Variants in SMO observed in about 807,000 individuals in gnomAD.
SMO encodes smoothened, frizzled class receptor, also known as protein smoothened.
A neutral mutation model predicts 81.6 loss-of-function variants in SMO; 40 were observed. The observed-to-expected ratio is 0.49, with a 90% CI of 0.38 to 0.64. The LOEUF is 0.64. Among genes scored for constraint, SMO ranks in the 30% least tolerant of loss-of-function variants. The pLI, the probability that SMO is intolerant of heterozygous loss-of-function variation, is 0.00. For synonymous variants in SMO, 434 were observed against 432.1 expected, an observed-to-expected ratio of 1.00 and a Z score of -0.05; for missense variants, 916 against 1,061.1, an observed-to-expected ratio of 0.86 and a Z score of 1.90.
intron 1 of SMO, among the ~76,000 whole-genome samples, chr7:129,197,481 G>A (rs1793603482): frequency 6.6e-6 from 1 of 152,064 alleles, no homozygotes; most frequent in African/African-American, 2.4e-5. Context: ...AGGCTGGAGT[G>A]CAGTGATGCG....
chr7:129,206,635 G>A lies in SMO; in HGVS notation c.1264+48G>A, dbSNP rs2150650977. ...CCAGTTGGGCAACAAAATATACTGG[G>A]CACTTGCTGCCAGTACTGGGAGCTG... On this transcript the variant is annotated intron_variant, in intron 6 of 11. Coordinates refer to ENST00000249373, the MANE Select transcript of SMO (RefSeq NM_005631.5). This position sits in a 1 kb window ranked among gnomAD's most constrained non-coding sequence, Gnocchi z 4.4. 6 of 1,598,158 alleles carry A rather than the reference G, an allele frequency of 3.8e-6. No individual in the cohort carries two copies. The highest frequency in any genetic ancestry group is 5.1e-6 in the Non-Finnish European group (6 of 1,170,008).
In SMO at chr7:129,212,944, C is replaced by A. The variant is rs1793903813; in HGVS notation, c.*493C>A. ...TCATTAGTCCTTTGTCTAAGTAGGG[C>A]CAGGGCACCGTATTCCTCTCCCAGG... is the stretch of plus-strand genomic sequence containing the variant. On this transcript the variant is annotated 3_prime_UTR_variant, in exon 12 of 12. Transcript: ENST00000249373. The surrounding 1 kb of genome is among the most constrained non-coding windows in gnomAD (Gnocchi z 5.0). 7.6e-6 allele frequency: 2 copies of A among 264,840 alleles called. No individual in the cohort carries two copies. Among genetic ancestry groups the A allele is most frequent in the Non-Finnish European group, 1.4e-5 (2 of 139,186 alleles). 16.4% of individuals were successfully genotyped at this position (264,840 alleles called of 1,614,324 possible). A position where few individuals can be genotyped will look rare whatever the true frequency, so the allele number is the denominator to read the frequency against.
intron 1 of SMO, among the ~76,000 whole-genome samples, chr7:129,201,838 G>T (rs1411602093): frequency 6.6e-6 from 1 of 151,608 alleles, no homozygotes; most frequent in Non-Finnish European, 1.5e-5. Flanking sequence ...GTACCACCAC[G>T]ACCGGCTAAT....
chr7:129,209,257 G>T (rs1437533056), intron 7 of SMO, 32 bp from the exon 8 acceptor site: 1 of 1,326,758 alleles, frequency 7.5e-7, no homozygotes, highest in Admixed American at 1.7e-5. Flanking sequence ...ACTGGGCTTG[G>T]TAACGTCCTG....
At chr7:129,193,816 A>ATG (rs1793524490) in intron 1 of SMO, among the ~76,000 whole-genome samples, 1 of 114,300 alleles carries the variant, frequency 8.7e-6, no homozygotes, top group Non-Finnish European at 1.7e-5. Flanking sequence ...ATATATATAT[A>ATG]TGTATAGGCT....
intron 1 of SMO, among the ~76,000 whole-genome samples, chr7:129,199,187 T>C (rs1184159461): frequency 5.3e-5 from 8 of 149,964 alleles, no homozygotes; most frequent in East Asian, 1.9e-4. Flanking sequence ...CTTTTCTTTT[T>C]TTTTTTTTTT....
chr7:129,195,918 G>A (rs543743332), intron 1 of SMO, among the ~76,000 whole-genome samples: 26 of 152,042 alleles, frequency 1.7e-4, no homozygotes, highest in South Asian at 4.2e-4. Flanking sequence ...TGGCTAACAC[G>A]GTGAAACCCC....
At chr7:129,200,431 AT>A (rs2150644998) in intron 1 of SMO, among the ~76,000 whole-genome samples, 1 of 152,316 alleles carries the variant, frequency 6.6e-6, no homozygotes, top group East Asian at 1.9e-4. Flanking sequence ...AAAAAAAAAA[AT>A]CATTTCCCAT....
At chr7:129,204,164 C>A (rs1278912868) in intron 2 of SMO, among the ~76,000 whole-genome samples, 1 of 152,002 alleles carries the variant, frequency 6.6e-6, no homozygotes, top group Non-Finnish European at 1.5e-5. Flanking sequence ...AAAACCCTGT[C>A]TCTACTAAAA....
rs955763885 is a variant in SMO, at chr7:129,211,891, G to GAAGAGTGGGGCTGAGGCTCT, written c.1937-126_1937-107dup. On this transcript the variant is annotated intron_variant, in intron 11 of 11. Coordinates refer to ENST00000249373, the MANE Select transcript of SMO (RefSeq NM_005631.5). The surrounding 1 kb of genome is among the most constrained non-coding windows in gnomAD (Gnocchi z 4.6). ...AGGAAGGAAAGGCCCCAGAGGATCT[G>GAAGAGTGGGGCTGAGGCTCT]AAGAGTGGGGCTGAGGCTCTAAGAG... The GAAGAGTGGGGCTGAGGCTCT allele has an allele frequency of 2.8e-5, 40 of 1,445,496 alleles. No homozygotes were observed. Among genetic ancestry groups the GAAGAGTGGGGCTGAGGCTCT allele is most frequent in the Non-Finnish European group, 3.3e-5 (35 of 1,048,848 alleles). 89.5% of individuals were successfully genotyped at this position (1,445,496 alleles called of 1,614,324 possible). A position where few individuals can be genotyped will look rare whatever the true frequency, so the allele number is the denominator to read the frequency against.
rs2150654056 is a variant in SMO at position 129,210,546 on chromosome 7, C to T, written c.1650C>T (p.Cys550=). The T allele has an allele frequency of 6.2e-7, 1 of 1,612,452 alleles. No individual in the cohort carries two copies. The highest frequency in any genetic ancestry group is 1.7e-5 in the Admixed American group (1 of 60,012). Residue 550 remains cysteine, a splice_region_variant and synonymous_variant, in exon 9 of 12, where the codon TGC becomes TGT. Transcript: ENST00000249373. This position sits in a 1 kb window ranked among gnomAD's most constrained non-coding sequence, Gnocchi z 4.7. ...ATLLIWRRTW[C]RLTGQSDDEP... is the part of the protein sequence containing the mutation. The stretch of plus-strand genomic sequence containing the variant: ...TGCTCATCTGGAGGCGTACCTGGTG[C>T]AGGTGGGCATGGCAGCCAGCCCCTC...
At position 129,211,701 on chromosome 7, in the gene SMO, A is replaced by G; in HGVS notation, c.1867A>G (p.Thr623Ala). Residue 623 changes from threonine to alanine, a missense_variant, in exon 11 of 12, where the codon ACC becomes GCC. By Grantham distance (58) the Thr-to-Ala change is moderately conservative. Transcript: ENST00000249373. The surrounding 1 kb of genome is among the most constrained non-coding windows in gnomAD (Gnocchi z 4.6). ...DVSSAWAQHV[T>A]KMVARRGAIL... is the part of the protein sequence containing the mutation. ...CTCCTCTGCCTGGGCCCAGCATGTC[A>G]CCAAGATGGTGGCTCGGAGAGGAGC... 1 of 1,613,708 alleles carries G rather than the reference A, an allele frequency of 6.2e-7. No individual in the cohort carries two copies. Among genetic ancestry groups the G allele is most frequent in the Admixed American group, 1.7e-5 (1 of 60,000 alleles).
chr7:129,210,830 A>G lies in SMO; in HGVS notation c.1653-135A>G. 2 of 910,872 alleles carry G rather than the reference A, an allele frequency of 2.2e-6. No individual in the cohort carries two copies. The highest frequency in any genetic ancestry group is 3.4e-5 in the South Asian group (2 of 57,980). The allele number at this position is 910,872 out of a possible 1,614,324, so 56.4% of individuals were successfully genotyped here. The stretch of plus-strand genomic sequence containing the variant: ...CCACTTCTTTGCAGAGAAGGCCTCT[A>G]CTCCTGAGTCCTTGAAGGACTTGAG... On this transcript the variant is annotated intron_variant, in intron 9 of 11. Coordinates refer to ENST00000249373, the MANE Select transcript of SMO (RefSeq NM_005631.5). The surrounding 1 kb of genome is among the most constrained non-coding windows in gnomAD (Gnocchi z 4.7).
intron 1 of SMO, among the ~76,000 whole-genome samples, chr7:129,195,850 C>T (rs1032130018): frequency 1.3e-5 from 2 of 151,866 alleles, no homozygotes; most frequent in African/African-American, 2.4e-5. Context: ...ACCTGTAATC[C>T]CAGCACTTTG....
chr7:129,193,320 G>A (rs1259759570), intron 1 of SMO, among the ~76,000 whole-genome samples: 1 of 152,172 alleles, frequency 6.6e-6, no homozygotes, highest in Non-Finnish European at 1.5e-5. Context: ...AAGGCTGGGA[G>A]GAATTTCTTG....
At chr7:129,200,390 C>T (rs1036162579) in intron 1 of SMO, among the ~76,000 whole-genome samples, 1 of 152,138 alleles carries the variant, frequency 6.6e-6, no homozygotes, top group Non-Finnish European at 1.5e-5. Flanking sequence ...TACTGCACTC[C>T]AGCCTGGGCG....
chr7:129,203,738 A>T, intron 2 of SMO, 149 bp downstream of exon 2: 2 of 612,632 alleles, frequency 3.3e-6, no homozygotes, highest in Non-Finnish European at 5.7e-6. Flanking sequence ...CACAAACTCA[A>T]ACTGCAGCTC....
intron 1 of SMO, among the ~76,000 whole-genome samples, chr7:129,199,182 C>CT (rs71526090): frequency 0.039 from 4,989 of 126,608 alleles, 152 homozygotes; most frequent in Admixed American, 0.072. Context: ...ATTTTCTTTT[C>CT]TTTTTTTTTT....
Position 129,212,340 on chromosome 7 carries a change from T to C in SMO, c.2253T>C (p.Ser751=), listed in dbSNP as rs2150657133. The C allele has an allele frequency of 6.2e-7, 1 of 1,614,162 alleles. No individual in the cohort carries two copies. The highest frequency in any genetic ancestry group is 2.2e-5 in the East Asian group (1 of 44,886). Residue 751 remains serine (S), a synonymous_variant, in exon 12 of 12, where the codon AGT becomes AGC. Coordinates refer to ENST00000249373, the MANE Select transcript of SMO (RefSeq NM_005631.5). This position sits in a 1 kb window ranked among gnomAD's most constrained non-coding sequence, Gnocchi z 5.0. ...CCCCTCAGGATCCATTTCTGCCCAG[T>C]GCACCGGCCCCCGTGGCATGGGCTC... The part of the protein sequence containing the change: ...PSPPQDPFLP[S]APAPVAWAHG...
Sources: gnomAD v4.1 joint callset for allele counts (sites outside exome capture counted in the v4.1 genomes callset) on GRCh38, gnomAD v4.1.1 for gene constraint, Gnocchi (gnomAD v3.1) non-coding constraint, MANE v1.5 for transcripts, NCBI Gene and HGNC (gene_info 2026-07-23, HGNC 2026-07-21) for gene names.